Variants in AGPAT3 observed in about 807,000 individuals in gnomAD.
The protein encoded by AGPAT3 is 1-acyl-sn-glycerol-3-phosphate acyltransferase gamma.
AGPAT3 carries 5 observed loss-of-function variants against 47.3 expected under a neutral mutation model. The observed-to-expected ratio is 0.11, with a 90% CI of 0.06 to 0.22. The LOEUF (loss-of-function observed/expected upper bound fraction) is 0.22. Ranked by LOEUF, AGPAT3 falls within the 10% of genes least tolerant of loss-of-function variation. The pLI is 1.00. For missense variants in AGPAT3, 315 were observed against 493.0 expected (o/e 0.64, Z 3.42); for synonymous variants, 212 against 208.3 (o/e 1.02, Z -0.15).
chr21:43,914,467 T>G (rs1184649811), intron 2 of AGPAT3, among the ~76,000 whole-genome samples: 1 of 152,174 alleles, frequency 6.6e-6, no homozygotes, highest in African/African-American at 2.4e-5. Flanking sequence ...AAAAAACTGT[T>G]TAATAGATAT....
chr21:43,982,450 C>G lies in AGPAT3; in HGVS notation c.*58C>G. On this transcript the variant is annotated 3_prime_UTR_variant, in exon 10 of 10. Coordinates refer to ENST00000291572, the MANE Select transcript of AGPAT3 (RefSeq NM_020132.5). This position sits in a 1 kb window ranked among gnomAD's most constrained non-coding sequence, Gnocchi z 6.2. ...ACGGTGGTATCCAGTTAACTCAAAA[C>G]CAACACACAGAGTGCAGGAAAAGAC... The G allele has an allele frequency of 1.6e-6, 2 of 1,266,010 alleles. No homozygotes were observed. The highest frequency in any genetic ancestry group is 2.3e-6 in the Non-Finnish European group (2 of 870,778). The allele number at this position is 1,266,010 out of a possible 1,614,324, so 78.4% of individuals were successfully genotyped here.
chr21:43,878,368 G>A (rs1447237702), intron 1 of AGPAT3, among the ~76,000 whole-genome samples: 2 of 152,174 alleles, frequency 1.3e-5, no homozygotes, highest in Non-Finnish European at 2.9e-5. Context: ...CTGTCTCTGC[G>A]GCCTGCCCGC....
chr21:43,903,492 G>A (rs1185240466), intron 1 of AGPAT3, among the ~76,000 whole-genome samples: 1 of 152,248 alleles, frequency 6.6e-6, no homozygotes, highest in African/African-American at 2.4e-5. Flanking sequence ...GCTGGCGGGG[G>A]CTGGGCTGGG....
Position 43,976,067 on chromosome 21 carries a change from A to AT in AGPAT3, c.768-1974dup, listed in dbSNP as rs200541813. ...TTTCAATAAAATTTTATAGAAAATG[A>AT]TTTTTATTTTTTTTTTTTGAGACGG... On this transcript the variant is annotated intron_variant, in intron 7 of 9. Coordinates refer to ENST00000291572, the MANE Select transcript of AGPAT3 (RefSeq NM_020132.5). Among the ~76,000 whole-genome samples the AT allele has an allele frequency of 3.3e-3, 492 of 146,910 alleles. 5 individuals carry two copies. The highest frequency in any genetic ancestry group is 0.011 in the African/African-American group (443 of 39,028).
intron 2 of AGPAT3, among the ~76,000 whole-genome samples, chr21:43,907,402 A>G (rs770367365): frequency 8.5e-5 from 13 of 152,204 alleles, no homozygotes; most frequent in Non-Finnish European, 1.9e-4. Flanking sequence ...TATCTATTAC[A>G]CTTTAACAAA....
intron 2 of AGPAT3, among the ~76,000 whole-genome samples, chr21:43,945,171 G>T: frequency 6.6e-6 from 1 of 152,194 alleles, no homozygotes; most frequent in East Asian, 1.9e-4. Context: ...AGCCAGCTCC[G>T]TTTTCCAGTC....
intron 1 of AGPAT3, among the ~76,000 whole-genome samples, chr21:43,903,047 T>C (rs2086395629): frequency 6.6e-6 from 1 of 152,164 alleles, no homozygotes; most frequent in South Asian, 2.1e-4. Flanking sequence ...ATTCAGTCCA[T>C]AGTGTCTGTA....
chr21:43,922,533 G>A lies in AGPAT3; in HGVS notation c.-49+18514G>A, dbSNP rs2086922209. ...GCAGCACGTGGAGGAGAGTGTCCCT[G>A]TGTCCCTGGAAGAGAGGCCTGCATG... is the stretch of plus-strand genomic sequence containing the variant. On this transcript the variant is annotated intron_variant, in intron 2 of 9. Coordinates refer to ENST00000291572, the MANE Select transcript of AGPAT3 (RefSeq NM_020132.5). This position sits in a 1 kb window ranked among gnomAD's most constrained non-coding sequence, Gnocchi z 4.9. 6.6e-6 allele frequency among the ~76,000 whole-genome samples: 1 copy of A among 152,204 alleles called. No individual in the cohort carries two copies. The highest frequency in any genetic ancestry group is 6.5e-5 in the Admixed American group (1 of 15,284).
intron 1 of AGPAT3, among the ~76,000 whole-genome samples, chr21:43,890,302 T>C (rs550080823): frequency 2.0e-5 from 3 of 152,318 alleles, no homozygotes; most frequent in African/African-American, 4.8e-5. Flanking sequence ...GCCTCCGTCA[T>C]GATGGTAGAC....
chr21:43,929,806 G>A (rs936336926), intron 2 of AGPAT3, among the ~76,000 whole-genome samples: 1 of 152,240 alleles, frequency 6.6e-6, no homozygotes, highest in Non-Finnish European at 1.5e-5. Flanking sequence ...GACCCTCTCT[G>A]TTGAGGTCCT....
At chr21:43,902,150 G>A (rs1215419880) in intron 1 of AGPAT3, among the ~76,000 whole-genome samples, 1 of 152,172 alleles carries the variant, frequency 6.6e-6, no homozygotes, top group Non-Finnish European at 1.5e-5. Context: ...AAAGTAGACA[G>A]AGGCAAATGC....
chr21:43,984,325 A>T lies in AGPAT3; in HGVS notation c.*1933A>T, dbSNP rs1441167236. Reference sequence around the variant, plus strand: ...TGCCGCACGCTGCTCATCCGTCTCCATGTGTGTTTAGATCCATGCCATTCA... The same window carrying T: ...TGCCGCACGCTGCTCATCCGTCTCCTTGTGTGTTTAGATCCATGCCATTCA... On this transcript the variant is annotated 3_prime_UTR_variant, in exon 10 of 10. Transcript: ENST00000291572. 1 of 152,318 alleles carries T rather than the reference A, an allele frequency of 6.6e-6. No individual in the cohort carries two copies. The highest frequency in any genetic ancestry group is 2.4e-5 in the African/African-American group (1 of 41,430). 9.4% of individuals were successfully genotyped at this position (152,318 alleles called of 1,614,324 possible). A position where few individuals can be genotyped will look rare whatever the true frequency, so the allele number is the denominator to read the frequency against.
intron 2 of AGPAT3, among the ~76,000 whole-genome samples, chr21:43,953,475 G>T (rs4818874): frequency 0.49 from 74,756 of 152,100 alleles, 19,072 homozygotes; most frequent in African/African-American, 0.63. Flanking sequence ...ATAAGAAATA[G>T]GCAAGTGAGT....
Position 43,960,780 on chromosome 21 carries a change from G to A in AGPAT3, c.178+921G>A, listed in dbSNP as rs1419043563. Reference sequence around the variant, plus strand: ...AAGGAAGTATACAACAAAGTCCATAGTATGCTATGATTCATTTTGTGTCTT... The same window carrying A: ...AAGGAAGTATACAACAAAGTCCATAATATGCTATGATTCATTTTGTGTCTT... On this transcript the variant is annotated intron_variant, in intron 3 of 9. Transcript: ENST00000291572. 6.1e-6 allele frequency: 6 copies of A among 984,880 alleles called. No homozygotes were observed. In the African/African-American group the frequency reaches 1.0e-4, roughly 17 times the overall value. The allele number at this position is 984,880 out of a possible 1,614,324, so 61.0% of individuals were successfully genotyped here.
At chr21:43,961,986 C>G (rs1233976731) in intron 3 of AGPAT3, among the ~76,000 whole-genome samples, 1 of 151,566 alleles carries the variant, frequency 6.6e-6, no homozygotes, top group African/African-American at 2.4e-5. Flanking sequence ...AGCTTCAGTT[C>G]CTGGTTTGTT....
chr21:43,943,865 G>A (rs1218814968), intron 2 of AGPAT3, among the ~76,000 whole-genome samples: 1 of 152,224 alleles, frequency 6.6e-6, no homozygotes, highest in African/African-American at 2.4e-5. Context: ...TTAAAATCAG[G>A]GCGAGAGGGA....
At chr21:43,959,266 G>T (rs1308406821) in intron 2 of AGPAT3, among the ~76,000 whole-genome samples, 1 of 146,650 alleles carries the variant, frequency 6.8e-6, no homozygotes, top group East Asian at 2.1e-4. Flanking sequence ...CGGTGTGTGT[G>T]GCATGTGTGT....
At chr21:43,975,649 G>T (rs529623238) in intron 7 of AGPAT3, among the ~76,000 whole-genome samples, 4 of 152,224 alleles carry the variant, frequency 2.6e-5, no homozygotes, top group African/African-American at 7.2e-5. Flanking sequence ...GTGCGTCGTC[G>T]CCCCCTCCTG....
intron 2 of AGPAT3, among the ~76,000 whole-genome samples, chr21:43,928,134 A>C (rs1363096148): frequency 2.0e-5 from 3 of 152,202 alleles, no homozygotes; most frequent in African/African-American, 7.2e-5. Context: ...GGCCCACCGG[A>C]AGCTGTGATC....
Sources: gnomAD v4.1 joint callset for allele counts (sites outside exome capture counted in the v4.1 genomes callset) on GRCh38, gnomAD v4.1.1 for gene constraint, Gnocchi (gnomAD v3.1) non-coding constraint, MANE v1.5 for transcripts, NCBI Gene and HGNC (gene_info 2026-07-23, HGNC 2026-07-21) for gene names.